Variants in PARP10 observed in about 807,000 individuals in gnomAD.
PARP10 encodes protein mono-ADP-ribosyltransferase PARP10.
A neutral mutation model predicts 82.4 loss-of-function variants in PARP10; 56 were observed. The ratio of observed to expected loss-of-function variants is 0.68; its 90% CI spans 0.55 to 0.85. The LOEUF is 0.85. Ranked by LOEUF, PARP10 falls within the 40% of genes least tolerant of loss-of-function variation. The probability of loss-of-function intolerance (pLI) is 0.00; values close to 1 mark genes in which losing one functional copy is unlikely to be tolerated. For synonymous variants in PARP10, 576 were observed against 601.1 expected, an observed-to-expected ratio of 0.96 and a Z score of 0.61; for missense variants, 1,227 against 1,379.4, an observed-to-expected ratio of 0.89 and a Z score of 1.75.
chr8:143,999,582 C>T (rs1320947092), intron 1 of PARP10, among the ~76,000 whole-genome samples: 2 of 151,624 alleles, frequency 1.3e-5, no homozygotes, highest in African/African-American at 4.8e-5. Context: ...GAAGTCCTGG[C>T]CTCAAGCAAT....
rs1833949125 is a variant in PARP10, at chr8:143,984,933, G to T, written c.1069C>A (p.Leu357Met). The T allele has an allele frequency of 6.2e-7, 1 of 1,613,938 alleles. No individual in the cohort carries two copies. The highest frequency in any genetic ancestry group is 2.2e-5 in the East Asian group (1 of 44,888). The change falls in exon 5 of 11, where the codon CTG (leucine) becomes ATG (methionine). Residue 357 changes from leucine (L) to methionine (M), a missense_variant. Physicochemically the swap from Leu to Met is conservative, Grantham distance 15. Coordinates refer to ENST00000313028, the MANE Select transcript of PARP10 (RefSeq NM_032789.5). ...AGGCTTACCAGCCCCTCATGTTCCA[G>T]AGACCCCATGGGCATCGAGCTGACT... ...EQVSSMPMGS[L>M]EHEGLVSLRP...
upstream of PARP10, among the ~76,000 whole-genome samples, chr8:143,988,034 G>A (rs1834022866): frequency 6.6e-6 from 1 of 151,132 alleles, no homozygotes; most frequent in Non-Finnish European, 1.5e-5. Context: ...TCTTCCTGCA[G>A]AGCTACAGGC....
At position 143,984,385 on chromosome 8, in the gene PARP10, C is replaced by T. The variant is rs755624307; in HGVS notation, c.1505G>A (p.Arg502Gln). ...GCAGCTAATGCTGCCCAGCAGGCTC[C>T]GCAGAAACTCCTCAGCCGCCTGGCA... ...ASCQAAEEFLRSLLGSISCHV... is the reference protein window; with the variant it reads ...ASCQAAEEFLQSLLGSISCHV... Residue 502 changes from arginine to glutamine, a missense_variant, in exon 6 of 11, where the codon CGG (arginine) becomes CAG (glutamine). Coordinates refer to ENST00000313028, the MANE Select transcript of PARP10 (RefSeq NM_032789.5). The T allele has an allele frequency of 2.2e-5, 36 of 1,612,632 alleles. 1 individual carries two copies. The highest frequency in any genetic ancestry group is 1.7e-4 in the Middle Eastern group (1 of 6,058).
At chr8:143,991,854 G>A (rs1834103550), upstream of PARP10, 1 of 1,609,618 alleles carries the variant, frequency 6.2e-7, no homozygotes. Context: ...CCCAGCGGAT[G>A]ACTCTGAGCG....
chr8:143,992,901 G>C, upstream of PARP10: 1 of 1,458,834 alleles, frequency 6.9e-7, no homozygotes, highest in Non-Finnish European at 9.4e-7. Context: ...CCTGCCCCTG[G>C]CACGGCAGTG....
chr8:143,990,042 T>G (rs1316477409), upstream of PARP10: 1 of 69,464 alleles, frequency 1.4e-5, no homozygotes, highest in Non-Finnish European at 3.0e-5. The surrounding 1 kb of genome is among the most constrained non-coding windows in gnomAD (Gnocchi z 5.6). Context: ...CCCCGCCCCC[T>G]GCCCCGCCCC....
intron 9 of PARP10, among the ~76,000 whole-genome samples, chr8:143,979,056 T>C (rs1554747093): frequency 6.6e-6 from 1 of 150,794 alleles, no homozygotes; most frequent in Non-Finnish European, 1.5e-5. Flanking sequence ...CACTGCAAGC[T>C]CCGCCTCCCG....
At chr8:143,992,214 C>T (rs375429651), upstream of PARP10, 40 of 1,603,094 alleles carry the variant, frequency 2.5e-5, no homozygotes, top group Non-Finnish European at 3.2e-5. Context: ...GGGGCACACA[C>T]CCAAGGTCAG....
chr8:144,000,876 A>G (rs1490138231), intron 1 of PARP10, among the ~76,000 whole-genome samples: 8 of 150,364 alleles, frequency 5.3e-5, no homozygotes, highest in Non-Finnish European at 1.2e-4. Context: ...GTGAGACCTC[A>G]TCTCTACAAA....
Position 143,983,825 on chromosome 8 carries a change from G to A in PARP10, c.1778-14C>T, listed in dbSNP as rs1833923266. Reference sequence around the variant, plus strand: ...CTCGGACCTCCTCTGGGGGCAGGGAGAGGCCATTGGGTCAGGGGCTGGACC... The same window carrying A: ...CTCGGACCTCCTCTGGGGGCAGGGAAAGGCCATTGGGTCAGGGGCTGGACC... On this transcript the variant is annotated splice_polypyrimidine_tract_variant and intron_variant, in intron 7 of 10. Transcript: ENST00000313028. The A allele has an allele frequency of 6.4e-7, 1 of 1,560,814 alleles. No homozygotes were observed. The highest frequency in any genetic ancestry group is 8.7e-7 in the Non-Finnish European group (1 of 1,152,642).
At position 143,986,353 on chromosome 8, in the gene PARP10, C is replaced by G; in HGVS notation, c.2+5G>C. ...ATTATGGGTGGCCCCACATACAGCACTTACATTCCCCGTGGCCGCTAGGCA... is the reference window on the plus strand; with the variant it reads ...ATTATGGGTGGCCCCACATACAGCAGTTACATTCCCCGTGGCCGCTAGGCA... On this transcript the variant is annotated splice_donor_5th_base_variant and intron_variant, in intron 1 of 10. Coordinates refer to ENST00000313028, the MANE Select transcript of PARP10 (RefSeq NM_032789.5). 1 of 1,614,178 alleles carries G rather than the reference C, an allele frequency of 6.2e-7. No homozygotes were observed. The highest frequency in any genetic ancestry group is 8.5e-7 in the Non-Finnish European group (1 of 1,180,020).
intron 9 of PARP10, among the ~76,000 whole-genome samples, chr8:143,982,405 C>T (rs963206416): frequency 1.3e-5 from 2 of 152,076 alleles, no homozygotes; most frequent in South Asian, 2.1e-4. Context: ...ACCCGGGAGG[C>T]GGAGCTTGCC....
In PARP10 at chr8:143,977,674, G is replaced by T; in HGVS notation, c.2888C>A (p.Pro963His). The change falls in exon 11 of 11, where the codon CCC becomes CAC. Residue 963 changes from proline (P) to histidine (H), a missense_variant. Transcript: ENST00000313028. The stretch of plus-strand genomic sequence containing the variant: ...CACGTGGCCAGGACCCCGCAGAGGG[G>T]GCGCCCGCAGACCGCGGCGGCCCTG... ...YGQGRRGLRA[P>H]PLRGPGHVLL... 6.3e-7 allele frequency: 1 copy of T among 1,593,620 alleles called. No individual in the cohort carries two copies. The highest frequency in any genetic ancestry group is 1.3e-5 in the African/African-American group (1 of 74,546).
intron 1 of PARP10, among the ~76,000 whole-genome samples, chr8:143,996,228 AAG>A (rs1297425007): frequency 3.9e-5 from 6 of 152,258 alleles, no homozygotes; most frequent in Non-Finnish European, 5.9e-5. Context: ...GAAGGCCAAA[AAG>A]AGACTTAAAT....
chr8:143,982,768 A>G (rs1328361626), intron 9 of PARP10, among the ~76,000 whole-genome samples, 164 bp downstream of exon 9: 1 of 151,916 alleles, frequency 6.6e-6, no homozygotes, highest in African/African-American at 2.4e-5. Context: ...TTCCCTACCC[A>G]CTTTGGGAAC....
rs782734024 is a variant in PARP10, at chr8:143,984,768, C to A, written c.1234G>T (p.Gly412Trp). 1 of 1,613,664 alleles carries A rather than the reference C, an allele frequency of 6.2e-7. No homozygotes were observed. The highest frequency in any genetic ancestry group is 8.5e-7 in the Non-Finnish European group (1 of 1,179,812). ...GTGATCTCCATGGGACCCACCAGCC[C>A]CTCTTGCTCTGGTGAGTCCATGGCA... The part of the protein sequence containing the change: ...EIAMDSPEQE[G>W]LVGPMEITMG... The change falls in exon 5 of 11, where the codon GGG becomes TGG. Residue 412 changes from glycine to tryptophan, a missense_variant. Transcript: ENST00000313028.
chr8:144,005,178 CAA>C (rs797022778), intron 1 of PARP10, among the ~76,000 whole-genome samples: 11 of 90,324 alleles, frequency 1.2e-4, no homozygotes, highest in Admixed American at 3.7e-4. Context: ...GACTCAGTCT[CAA>C]AAAAAAAAAA....
In PARP10 at chr8:144,000,976, C is replaced by T. The variant is rs1241820791; in HGVS notation, c.-80+11554G>A. On this transcript the variant is annotated intron_variant, in intron 1 of 3. Coordinates refer to the PARP10 transcript ENST00000530478. The stretch of plus-strand genomic sequence containing the variant: ...TCGCCCAGGCTGGAGTGCAGTGGCG[C>T]GATCTTGGCTCACTGCAAGCTCTGC... Among the ~76,000 whole-genome samples, 7 of 139,596 alleles carry T rather than the reference C, an allele frequency of 5.0e-5. No individual in the cohort carries two copies. In the East Asian group the frequency reaches 1.1e-3, roughly 22 times the overall value. The allele number at this position is 139,596 out of a possible 152,430, so 91.6% of individuals were successfully genotyped here.
At position 143,983,146 on chromosome 8, in the gene PARP10, C is replaced by T. The variant is rs782551182; in HGVS notation, c.2422+21G>A. ...CTAACCAGCCCACCCCACCGTCCCT[C>T]AGTCCAGGAGGTAGACTCACAGGTA... is the stretch of plus-strand genomic sequence containing the variant. On this transcript the variant is annotated intron_variant, in intron 8 of 10. Transcript: ENST00000313028. 3.7e-6 allele frequency: 6 copies of T among 1,611,824 alleles called. No individual in the cohort carries two copies. The African/African-American group carries it at 8.0e-5, about 22-fold the overall frequency.
Sources: gnomAD v4.1 joint callset for allele counts (sites outside exome capture counted in the v4.1 genomes callset) on GRCh38, gnomAD v4.1.1 for gene constraint, Gnocchi (gnomAD v3.1) non-coding constraint, MANE v1.5 for transcripts, NCBI Gene and HGNC (gene_info 2026-07-23, HGNC 2026-07-21) for gene names.